Variants in SKIC3 observed in about 807,000 individuals in gnomAD.
SKIC3 encodes superkiller complex protein 3.
At chr5:95,502,894 T>A in the SKIC3 span, 1 of 1,613,746 alleles carries the variant, frequency 6.2e-7, no homozygotes, top group African/African-American at 1.3e-5. Context: ...TAAATAGCAA[T>A]GTCTTGGCTA....
At chr5:95,470,606 G>A in the SKIC3 span, among the ~76,000 whole-genome samples, 9 of 152,002 alleles carry the variant, frequency 5.9e-5, no homozygotes, top group Admixed American at 2.0e-4. Context: ...ATTATCTAAG[G>A]AGAGAGGAAA....
the SKIC3 span, among the ~76,000 whole-genome samples, chr5:95,498,961 CATT>C: frequency 6.6e-6 from 1 of 152,130 alleles, no homozygotes; most frequent in African/African-American, 2.4e-5. Context: ...ACTATCAAAA[CATT>C]ATTTAGTATA....
At chr5:95,490,934 GC>G in the SKIC3 span, 1 of 1,614,104 alleles carries the variant, frequency 6.2e-7, no homozygotes, top group Non-Finnish European at 8.5e-7. Context: ...AGATAACAGT[GC>G]CAAGTATAAA....
the SKIC3 span, chr5:95,521,379 C>T: frequency 6.6e-6 from 1 of 152,612 alleles, no homozygotes; most frequent in Non-Finnish European, 1.5e-5. Context: ...GTGCTCACTT[C>T]AGCAGCACAT....
chr5:95,502,803 A>G, the SKIC3 span: 1 of 1,590,816 alleles, frequency 6.3e-7, no homozygotes. Flanking sequence ...AACATGAAGA[A>G]CTTACGCTTT....
the SKIC3 span, among the ~76,000 whole-genome samples, chr5:95,553,162 C>T: frequency 6.7e-6 from 1 of 148,770 alleles, no homozygotes; most frequent in Non-Finnish European, 1.5e-5. Flanking sequence ...TCTTCCAGCA[C>T]AACGTCTCTA....
chr5:95,545,465 C>T, the SKIC3 span, among the ~76,000 whole-genome samples: 1 of 152,150 alleles, frequency 6.6e-6, no homozygotes, highest in Admixed American at 6.6e-5. Flanking sequence ...CTTCATTGTG[C>T]CCTCTGGAAC....
the SKIC3 span, chr5:95,523,917 G>A: frequency 1.5e-6 from 2 of 1,327,754 alleles, no homozygotes; most frequent in South Asian, 1.4e-5. Context: ...TAAATACACA[G>A]ATTAAAGAAA....
chr5:95,494,995 A>G, the SKIC3 span: 1 of 1,613,842 alleles, frequency 6.2e-7, no homozygotes, highest in Non-Finnish European at 8.5e-7. Flanking sequence ...AATATGAGCC[A>G]CATTTCCTGC....
At chr5:95,481,527 T>C in the SKIC3 span, among the ~76,000 whole-genome samples, 1,401 of 152,312 alleles carry the variant, frequency 9.2e-3, 22 homozygotes, top group African/African-American at 0.032. Context: ...TATGATATAA[T>C]TTATCCTTCA....
chr5:95,536,874 T>G, the SKIC3 span: 1 of 1,613,732 alleles, frequency 6.2e-7, no homozygotes, highest in East Asian at 2.2e-5. Context: ...GTAGGATAGA[T>G]GTTTATCATT....
chr5:95,516,275 A>G, the SKIC3 span: 3 of 1,508,998 alleles, frequency 2.0e-6, no homozygotes, highest in Admixed American at 1.7e-5. Flanking sequence ...TTTCTCCACA[A>G]GAAGCTGAGC....
chr5:95,534,892 A>G, the SKIC3 span, among the ~76,000 whole-genome samples: 2 of 152,184 alleles, frequency 1.3e-5, no homozygotes, highest in African/African-American at 4.8e-5. Flanking sequence ...ACTGATGGGC[A>G]TTTCTCATTA....
chr5:95,491,062 A>C, the SKIC3 span: 1 of 1,613,220 alleles, frequency 6.2e-7, no homozygotes, highest in Non-Finnish European at 8.5e-7. Context: ...ACACAGTGAT[A>C]AGTCTTGTTA....
chr5:95,524,046 T>C, the SKIC3 span, among the ~76,000 whole-genome samples: 1 of 152,120 alleles, frequency 6.6e-6, no homozygotes, highest in African/African-American at 2.4e-5. Flanking sequence ...AATATAAAAA[T>C]ATTTTGTTTT....
the SKIC3 span, among the ~76,000 whole-genome samples, chr5:95,507,534 C>G: frequency 2.0e-5 from 3 of 152,138 alleles, no homozygotes; most frequent in Non-Finnish European, 4.4e-5. Context: ...TTCTCATGCT[C>G]AGTTCCCTAT....
the SKIC3 span, among the ~76,000 whole-genome samples, chr5:95,533,129 GATAA>G: frequency 6.6e-6 from 1 of 151,826 alleles, no homozygotes; most frequent in Non-Finnish European, 1.5e-5. Context: ...AGCAAAATAA[GATAA>G]ATAAAAAAGT....
the SKIC3 span, chr5:95,528,840 T>C: frequency 1.2e-5 from 8 of 663,634 alleles, no homozygotes; most frequent in African/African-American, 1.3e-4. Flanking sequence ...CTAGTACACA[T>C]GCATGCAGAC....
At chr5:95,522,792 T>G in the SKIC3 span, among the ~76,000 whole-genome samples, 7 of 152,180 alleles carry the variant, frequency 4.6e-5, no homozygotes, top group Non-Finnish European at 8.8e-5. Context: ...TCAAATACAT[T>G]TATTTACATT....
Sources: allele counts gnomAD v4.1 joint callset (sites outside exome capture counted in the v4.1 genomes callset), GRCh38; gene constraint gnomAD v4.1.1; transcripts MANE v1.5; gene names NCBI Gene and HGNC (gene_info 2026-07-23, HGNC 2026-07-21).